SPC24: variants seen among roughly 807,000 people sequenced by gnomAD.
SPC24 encodes the protein SPC24 component of NDC80 kinetochore complex, also known as kinetochore protein Spc24.
SPC24 carries 31 observed loss-of-function variants against 27.6 expected under a neutral mutation model. That is an observed-to-expected ratio of 1.12 (90% CI 0.84 to 1.52). The LOEUF (loss-of-function observed/expected upper bound fraction) is 1.52, where lower values mean the gene tolerates loss of function less well. Among genes scored for constraint, SPC24 ranks in the 40% most tolerant of loss-of-function variants. SPC24 has a pLI of 0.00. For missense variants in SPC24, 284 were observed against 252.5 expected (o/e 1.12, Z -0.84); for synonymous variants, 105 against 105.8 (o/e 0.99, Z 0.05).
intron 1 of SPC24, among the ~76,000 whole-genome samples, chr19:11,150,930 G>A (rs1190508028): frequency 6.6e-5 from 10 of 152,088 alleles, no homozygotes; most frequent in Non-Finnish European, 8.8e-5. Context: ...TTGGGAGGCC[G>A]AGGCAGGTGG....
In SPC24 at chr19:11,146,569, T is replaced by C. The variant is rs779055615; in HGVS notation, c.*614A>G. On this transcript the variant is annotated 3_prime_UTR_variant, in exon 5 of 5. Transcript: ENST00000592540. ...TCACAAACTCAGGAGATGGAGACCATCCTGTCTAACATGGTGAAACCCCGT... is the reference window on the plus strand; with the variant it reads ...TCACAAACTCAGGAGATGGAGACCACCCTGTCTAACATGGTGAAACCCCGT... 12 of 133,782 alleles carry C rather than the reference T, an allele frequency of 9.0e-5. No individual in the cohort carries two copies. Among genetic ancestry groups the C allele is most frequent in the South Asian group, 2.6e-4 (1 of 3,798 alleles). The allele number at this position is 133,782 out of a possible 1,614,324, so 8.3% of individuals were successfully genotyped here. A position where few individuals can be genotyped will look rare whatever the true frequency, so the allele number is the denominator to read the frequency against.
chr19:11,148,500 G>A (rs2077846510), intron 2 of SPC24, among the ~76,000 whole-genome samples: 5 of 149,140 alleles, frequency 3.4e-5, no homozygotes, highest in East Asian at 2.0e-4. Context: ...GAGCCACCGC[G>A]CCTGGTCTTT....
At chr19:11,150,640 C>G (rs893119754) in intron 1 of SPC24, among the ~76,000 whole-genome samples, 2 of 151,632 alleles carry the variant, frequency 1.3e-5, no homozygotes, top group African/African-American at 4.8e-5. Flanking sequence ...ACTAAAAACA[C>G]AAAAAATTAG....
chr19:11,154,269 GT>G (rs1235287575), intron 1 of SPC24, among the ~76,000 whole-genome samples: 3 of 152,190 alleles, frequency 2.0e-5, no homozygotes, highest in Admixed American at 2.0e-4. Flanking sequence ...GCCAGGCGTA[GT>G]GGCTCACCCC....
chr19:11,148,749 G>A (rs1269912364), intron 2 of SPC24, among the ~76,000 whole-genome samples: 3 of 152,164 alleles, frequency 2.0e-5, no homozygotes, highest in African/African-American at 7.2e-5. Context: ...CTGGGCTCAC[G>A]CCATTCTCCT....
chr19:11,148,020 A>C lies in SPC24; in HGVS notation c.403T>G (p.Ser135Ala). ...VDEDTTVTIP[S>A]AVYVAQLYHQ... ...CGTTTTGGCAGAACCTACACGGCCG[A>C]GGGGATTGTGACTGTCGTGTCCTCG... Residue 135 changes from serine (S) to alanine (A), a missense_variant, in exon 3 of 5, where the codon TCG becomes GCG. Coordinates refer to ENST00000592540, the MANE Select transcript of SPC24 (RefSeq NM_182513.4). 6.2e-7 allele frequency: 1 copy of C among 1,613,236 alleles called. No homozygotes were observed. The highest frequency in any genetic ancestry group is 1.3e-5 in the African/African-American group (1 of 74,818).
At chr19:11,154,572 T>C (rs10402457) in intron 1 of SPC24, among the ~76,000 whole-genome samples, 117,664 of 152,058 alleles carry the variant, frequency 0.77, 45,793 homozygotes, top group African/African-American at 0.83. Flanking sequence ...GAAATTCTGA[T>C]ACAGGCTATG....
intron 1 of SPC24, among the ~76,000 whole-genome samples, chr19:11,150,059 C>T (rs560848401): frequency 3.3e-5 from 5 of 151,266 alleles, no homozygotes; most frequent in Non-Finnish European, 7.4e-5. Context: ...TGGTGGCAGG[C>T]GCCTGTAATC....
chr19:11,152,453 A>C (rs1480394621), intron 1 of SPC24, among the ~76,000 whole-genome samples: 1 of 151,968 alleles, frequency 6.6e-6, no homozygotes, highest in Non-Finnish European at 1.5e-5. Context: ...CAAGTGATTC[A>C]CCCACCTCGG....
chr19:11,151,974 G>A (rs759344908), intron 1 of SPC24, among the ~76,000 whole-genome samples: 6 of 150,762 alleles, frequency 4.0e-5, no homozygotes, highest in Non-Finnish European at 7.4e-5. Context: ...AGGCTGGAGT[G>A]CAGTGGCATG....
chr19:11,151,949 C>T (rs2077875900), intron 1 of SPC24, among the ~76,000 whole-genome samples: 1 of 149,954 alleles, frequency 6.7e-6, no homozygotes, highest in Non-Finnish European at 1.5e-5. Flanking sequence ...TTGAGACAGT[C>T]TTGCTCTGTT....
At chr19:11,150,954 T>G (rs377263552) in intron 1 of SPC24, among the ~76,000 whole-genome samples, 8 of 152,022 alleles carry the variant, frequency 5.3e-5, no homozygotes, top group East Asian at 1.9e-4. Context: ...ACGAGGTCAG[T>G]AGATCGAGAC....
rs961989988 is a variant in SPC24 at position 11,146,793 on chromosome 19, C to T, written c.*390G>A. The T allele has an allele frequency of 3.4e-5, 5 of 148,364 alleles. No homozygotes were observed. The highest frequency in any genetic ancestry group is 1.3e-4 in the African/African-American group (5 of 39,662). 9.2% of individuals were successfully genotyped at this position (148,364 alleles called of 1,614,324 possible). On this transcript the variant is annotated 3_prime_UTR_variant, in exon 5 of 5. Transcript: ENST00000592540. ...AAAAAAAAAAAAAAAAGGAAGACGTCTAGCTGGGCACGATGGCTCACGCCT... is the reference window on the plus strand; with the variant it reads ...AAAAAAAAAAAAAAAAGGAAGACGTTTAGCTGGGCACGATGGCTCACGCCT...
chr19:11,155,645 C>T lies in SPC24; in HGVS notation c.132G>A (p.Thr44=), dbSNP rs1219463645. ...GCAGCTGCTTCTCGGCACCGTCTTG[C>T]GTTTCCAGCAGCCGCTCCACCACCT... ...HEQVVERLLE[T]QDGAEKQLRE... Residue 44 remains threonine, a synonymous_variant, in exon 1 of 5, where the codon ACG becomes ACA. Coordinates refer to ENST00000592540, the MANE Select transcript of SPC24 (RefSeq NM_182513.4). The T allele has an allele frequency of 3.9e-6, 6 of 1,551,758 alleles. No homozygotes were observed. Among genetic ancestry groups the T allele is most frequent in the Non-Finnish European group, 4.3e-6 (5 of 1,154,992 alleles).
intron 1 of SPC24, among the ~76,000 whole-genome samples, chr19:11,154,732 C>G (rs10422673): frequency 0.77 from 117,747 of 152,016 alleles, 45,870 homozygotes; most frequent in African/African-American, 0.83. Flanking sequence ...AAGTAGAACC[C>G]TGGTGGGTGC....
In SPC24 at chr19:11,149,136, T is replaced by C; in HGVS notation, c.263A>G (p.Gln88Arg). ...ACGGGTGTCCTCCTCCCCAGCCTCC[T>C]GAAGCCCAGCTTCCAGCTGCTGCAG... ...VELQQLEAGLQEAGEEDTRLK... is the reference protein window; with the variant it reads ...VELQQLEAGLREAGEEDTRLK... The change falls in exon 2 of 5, where the codon CAG becomes CGG. Residue 88 changes from glutamine to arginine, a missense_variant. Physicochemically the swap from Gln to Arg is conservative, Grantham distance 43. Transcript: ENST00000592540. 2 of 1,549,380 alleles carry C rather than the reference T, an allele frequency of 1.3e-6. No individual in the cohort carries two copies. Among genetic ancestry groups the C allele is most frequent in the South Asian group, 1.2e-5 (1 of 83,928 alleles).
At position 11,147,957 on chromosome 19, in the gene SPC24, C is replaced by T. The variant is rs200772286; in HGVS notation, c.410+56G>A. On this transcript the variant is annotated intron_variant, in intron 3 of 4. Transcript: ENST00000592540. ...AAAGTTACCCAGCACCAACTTCAAC[C>T]AAGAGCCGGACTGCACAAGGAGGCA... 2,036 of 1,594,520 alleles carry T rather than the reference C, an allele frequency of 1.3e-3. 3 individuals carry two copies. The highest frequency in any genetic ancestry group is 1.6e-3 in the Non-Finnish European group (1,900 of 1,167,398).
At position 11,147,080 on chromosome 19, in the gene SPC24, C is replaced by CAAA. The variant is rs71164155; in HGVS notation, c.*100_*102dup. 5.9e-3 allele frequency: 2,341 copies of CAAA among 396,476 alleles called. 1 individual carries two copies. The highest frequency in any genetic ancestry group is 0.012 in the East Asian group (242 of 19,408). The allele number at this position is 396,476 out of a possible 1,614,324, so 24.6% of individuals were successfully genotyped here. On this transcript the variant is annotated 3_prime_UTR_variant, in exon 5 of 5. Transcript: ENST00000592540. ...GGACAACAAGAGTGAAACTCTGTCT[C>CAAA]AAAAAAAAAAAAAAAAAGATCTATG...
chr19:11,147,362 CTTTACT>C, intron 4 of SPC24, 73 bp from the exon 5 acceptor site: 1 of 1,075,540 alleles, frequency 9.3e-7, no homozygotes. Flanking sequence ...AGGATACTGC[CTTTACT>C]TTTTTTTTTT....
Sources: allele counts gnomAD v4.1 joint callset (sites outside exome capture counted in the v4.1 genomes callset), GRCh38; gene constraint gnomAD v4.1.1; transcripts MANE v1.5; gene names NCBI Gene and HGNC (gene_info 2026-07-23, HGNC 2026-07-21).